PPARGC1B: variants seen among roughly 807,000 people sequenced by gnomAD.
PPARGC1B encodes peroxisome proliferator-activated receptor gamma coactivator 1-beta.
A neutral mutation model predicts 101.6 loss-of-function variants in PPARGC1B; 34 were observed. The observed-to-expected ratio is 0.33, with a 90% CI of 0.25 to 0.45. The LOEUF (loss-of-function observed/expected upper bound fraction) is 0.45, where lower values mean the gene tolerates loss of function less well. PPARGC1B is among the 20% of genes least tolerant of loss of function. The probability of loss-of-function intolerance (pLI) is 1.00; values close to 1 mark genes in which losing one functional copy is unlikely to be tolerated. For synonymous variants in PPARGC1B, 548 were observed against 539.3 expected (o/e 1.02, Z -0.22); for missense variants, 1,234 against 1,317.6 (o/e 0.94, Z 0.98).
chr5:149,786,956 C>T (rs1756832987), intron 1 of PPARGC1B, among the ~76,000 whole-genome samples: 2 of 152,086 alleles, frequency 1.3e-5, no homozygotes, highest in South Asian at 2.1e-4. Context: ...TACAGAAAGC[C>T]GATTCAAAGT....
chr5:149,773,912 G>A (rs2113198168), intron 1 of PPARGC1B, among the ~76,000 whole-genome samples: 1 of 152,274 alleles, frequency 6.6e-6, no homozygotes, highest in South Asian at 2.1e-4. Context: ...CACCTCTGCT[G>A]CCAGGCACCC....
chr5:149,786,855 G>A (rs1344705478), intron 1 of PPARGC1B, among the ~76,000 whole-genome samples: 1 of 152,110 alleles, frequency 6.6e-6, no homozygotes, highest in African/African-American at 2.4e-5. Context: ...GGCCTCAGAA[G>A]TAGAATATTA....
intron 1 of PPARGC1B, among the ~76,000 whole-genome samples, chr5:149,779,383 A>G (rs1221714272): frequency 6.6e-6 from 1 of 152,130 alleles, no homozygotes; most frequent in African/African-American, 2.4e-5. Flanking sequence ...TTCTGCCCTC[A>G]AGGCCAAGTT....
At chr5:149,797,963 C>A (rs1472759117) in intron 1 of PPARGC1B, among the ~76,000 whole-genome samples, 2 of 152,258 alleles carry the variant, frequency 1.3e-5, no homozygotes, top group East Asian at 3.9e-4. Flanking sequence ...TTATTTTATG[C>A]ATTCATAAAT....
chr5:149,821,063 T>G (rs1758276832), intron 2 of PPARGC1B, among the ~76,000 whole-genome samples: 1 of 152,242 alleles, frequency 6.6e-6, no homozygotes. Flanking sequence ...AAACCCAGTC[T>G]TCTTGCCTCC....
intron 1 of PPARGC1B, among the ~76,000 whole-genome samples, chr5:149,759,083 A>C (rs1755630237): frequency 6.6e-6 from 1 of 152,042 alleles, no homozygotes. Flanking sequence ...TCACATATTT[A>C]TTTTTCCTTT....
Position 149,835,377 on chromosome 5 carries a change from G to A in PPARGC1B, c.1807+12G>A. On this transcript the variant is annotated intron_variant, in intron 7 of 11. Coordinates refer to ENST00000309241, the MANE Select transcript of PPARGC1B (RefSeq NM_133263.4). ...CTGTGGCACAGCAGGTGAGCCAGGG[G>A]GCTTCCACTGGCAGGTGCCTTCAGG... 6.2e-7 allele frequency: 1 copy of A among 1,612,578 alleles called. No homozygotes were observed. Among genetic ancestry groups the A allele is most frequent in the South Asian group, 1.1e-5 (1 of 90,980 alleles).
rs181643543 is a variant in PPARGC1B, at chr5:149,739,333, C to T, written c.78+8913C>T. On this transcript the variant is annotated intron_variant, in intron 1 of 11. Transcript: ENST00000309241. Reference sequence around the variant, plus strand: ...CTATTGCATGGATTTCTCCCAATAACTGTGAGACTGGCTTTCCCCATTTTG... The same window carrying T: ...CTATTGCATGGATTTCTCCCAATAATTGTGAGACTGGCTTTCCCCATTTTG... Among the ~76,000 whole-genome samples the T allele has an allele frequency of 8.2e-4, 125 of 152,324 alleles. No individual in the cohort carries two copies. The Middle Eastern group carries it at 0.017, about 21-fold the overall frequency.
intron 1 of PPARGC1B, among the ~76,000 whole-genome samples, chr5:149,767,529 G>A (rs1206908384): frequency 1.3e-5 from 2 of 152,174 alleles, no homozygotes; most frequent in African/African-American, 2.4e-5. Context: ...GATCTTAGAA[G>A]ATGAGGCTGG....
downstream of PPARGC1B, among the ~76,000 whole-genome samples, chr5:149,856,039 C>G (rs974962362): frequency 3.6e-4 from 55 of 152,084 alleles, no homozygotes; most frequent in Admixed American, 3.6e-3. Flanking sequence ...ATCGCTTGAA[C>G]CCGGGAGGCG....
intron 1 of PPARGC1B, among the ~76,000 whole-genome samples, chr5:149,748,512 T>C (rs1755169965): frequency 6.6e-6 from 1 of 152,130 alleles, no homozygotes; most frequent in Non-Finnish European, 1.5e-5. Flanking sequence ...GGGAAACCAG[T>C]TGCAGATTTG....
chr5:149,777,342 T>C (rs1756403050), intron 1 of PPARGC1B, among the ~76,000 whole-genome samples: 1 of 152,202 alleles, frequency 6.6e-6, no homozygotes, highest in African/African-American at 2.4e-5. Context: ...CCACGGTTGC[T>C]GAGCTCTCTG....
At chr5:149,757,273 G>T (rs911077079) in intron 1 of PPARGC1B, among the ~76,000 whole-genome samples, 3 of 150,456 alleles carry the variant, frequency 2.0e-5, no homozygotes, top group Non-Finnish European at 4.4e-5. Context: ...CTTGTCATTC[G>T]TCATAAAGTA....
At chr5:149,811,473 A>C (rs1023815077) in intron 1 of PPARGC1B, among the ~76,000 whole-genome samples, 3 of 152,230 alleles carry the variant, frequency 2.0e-5, no homozygotes, top group African/African-American at 7.2e-5. Flanking sequence ...CGGACCAGTT[A>C]GTGAAATTTT....
At chr5:149,778,201 G>T (rs1046513856) in intron 1 of PPARGC1B, among the ~76,000 whole-genome samples, 1 of 151,778 alleles carries the variant, frequency 6.6e-6, no homozygotes, top group African/African-American at 2.4e-5. Flanking sequence ...AGCAGCATCA[G>T]CTGGGTCTCA....
intron 1 of PPARGC1B, among the ~76,000 whole-genome samples, chr5:149,798,905 T>C (rs867274259): frequency 1.3e-5 from 2 of 152,238 alleles, no homozygotes; most frequent in African/African-American, 2.4e-5. Flanking sequence ...GTGATTCTTA[T>C]GGGCCAAATA....
intron 2 of PPARGC1B, among the ~76,000 whole-genome samples, chr5:149,821,983 A>C (rs1038668955): frequency 2.6e-5 from 4 of 152,206 alleles, no homozygotes; most frequent in Non-Finnish European, 4.4e-5. Flanking sequence ...ACTGTAATCT[A>C]GGAACCCACA....
At chr5:149,840,185 G>T (rs1169343120) in intron 9 of PPARGC1B, 69 bp downstream of exon 9, 4 of 1,464,092 alleles carry the variant, frequency 2.7e-6, no homozygotes, top group Non-Finnish European at 3.7e-6. Context: ...GGGCTTCATG[G>T]ACCAAAGCCT....
chr5:149,765,777 C>T lies in PPARGC1B; in HGVS notation c.78+35357C>T, dbSNP rs1282418911. ...TCGGGAGGCTGAGGCAGGAGAATGG[C>T]GTGAACCCGGGAGGTGGAGCTTGCA... On this transcript the variant is annotated intron_variant, in intron 1 of 11. Coordinates refer to ENST00000309241, the MANE Select transcript of PPARGC1B (RefSeq NM_133263.4). 7.5e-5 allele frequency among the ~76,000 whole-genome samples: 11 copies of T among 146,788 alleles called. No homozygotes were observed. The South Asian group carries it at 1.3e-3, about 18-fold the overall frequency.
Sources: gnomAD v4.1 joint callset for allele counts (sites outside exome capture counted in the v4.1 genomes callset) on GRCh38, gnomAD v4.1.1 for gene constraint, MANE v1.5 for transcripts, NCBI Gene and HGNC (gene_info 2026-07-23, HGNC 2026-07-21) for gene names.